KCNIP4: variants seen among roughly 807,000 people sequenced by gnomAD.
KCNIP4 encodes potassium voltage-gated channel interacting protein 4, also known as Kv channel-interacting protein 4.
Under a neutral mutation model 34.0 loss-of-function variants are expected in KCNIP4, and 12 were observed. The ratio of observed to expected loss-of-function variants is 0.35; its 90% CI spans 0.23 to 0.57. The LOEUF (loss-of-function observed/expected upper bound fraction) is 0.57. Among genes scored for constraint, KCNIP4 ranks in the 20% least tolerant of loss-of-function variants. The pLI, the probability that KCNIP4 is intolerant of heterozygous loss-of-function variation, is 0.83. For synonymous variants in KCNIP4, 124 were observed against 102.2 expected, an observed-to-expected ratio of 1.21 and a Z score of -1.29; for missense variants, 238 against 311.7, an observed-to-expected ratio of 0.76 and a Z score of 1.78.
chr4:21,005,246 C>A (rs999007888), intron 1 of KCNIP4, among the ~76,000 whole-genome samples: 2 of 152,144 alleles, frequency 1.3e-5, no homozygotes, highest in Non-Finnish European at 2.9e-5. Context: ...CCCCTGACAT[C>A]CACCTGGTCA....
At chr4:21,122,930 G>A (rs909558888) in intron 1 of KCNIP4, among the ~76,000 whole-genome samples, 1 of 152,066 alleles carries the variant, frequency 6.6e-6, no homozygotes, top group Non-Finnish European at 1.5e-5. Flanking sequence ...CTGTTGACTG[G>A]CTGGGCACGG....
intron 3 of KCNIP4, among the ~76,000 whole-genome samples, chr4:20,792,763 A>C (rs1712941972): frequency 6.6e-6 from 1 of 152,190 alleles, no homozygotes; most frequent in South Asian, 2.1e-4. Flanking sequence ...TATATGAAGC[A>C]AAATATGATA....
chr4:21,066,382 C>G (rs1744383178), intron 1 of KCNIP4, among the ~76,000 whole-genome samples: 1 of 152,138 alleles, frequency 6.6e-6, no homozygotes, highest in Non-Finnish European at 1.5e-5. Flanking sequence ...CACACACACA[C>G]AAAAGCACCT....
At chr4:20,909,093 T>C (rs1728079145) in intron 1 of KCNIP4, among the ~76,000 whole-genome samples, 1 of 152,306 alleles carries the variant, frequency 6.6e-6, no homozygotes, top group Non-Finnish European at 1.5e-5. Flanking sequence ...GAGGAATAAA[T>C]ATCGACCTCT....
At chr4:21,893,793 A>G (rs987305068) in intron 1 of KCNIP4, among the ~76,000 whole-genome samples, 2 of 152,176 alleles carry the variant, frequency 1.3e-5, no homozygotes, top group Non-Finnish European at 2.9e-5. Flanking sequence ...CCTCAAATAC[A>G]TGAAGCTGTA....
intron 1 of KCNIP4, among the ~76,000 whole-genome samples, chr4:21,577,686 T>G (rs1296361961): frequency 6.6e-6 from 1 of 152,074 alleles, no homozygotes; most frequent in Non-Finnish European, 1.5e-5. Context: ...AAATGCAGTA[T>G]ATTCTTTGGT....
intron 1 of KCNIP4, among the ~76,000 whole-genome samples, chr4:21,186,956 T>C (rs79357447): frequency 5.1e-4 from 77 of 152,282 alleles, no homozygotes; most frequent in African/African-American, 1.8e-3. Context: ...TTTTATTTAA[T>C]AGCCCAACTT....
At chr4:20,785,244 T>A (rs1711803593) in intron 3 of KCNIP4, among the ~76,000 whole-genome samples, 1 of 151,812 alleles carries the variant, frequency 6.6e-6, no homozygotes, top group Admixed American at 6.6e-5. Flanking sequence ...GGACCAATAC[T>A]TAATTTTCTA....
At chr4:21,044,372 C>T (rs1019502139) in intron 1 of KCNIP4, among the ~76,000 whole-genome samples, 5 of 151,922 alleles carry the variant, frequency 3.3e-5, no homozygotes, top group African/African-American at 7.3e-5. Context: ...AGTGCAATGG[C>T]GTGATCTTGG....
intron 2 of KCNIP4, among the ~76,000 whole-genome samples, chr4:20,864,012 G>GTA (rs752856859): frequency 0.02 from 2,909 of 142,854 alleles, 42 homozygotes; most frequent in African/African-American, 0.037. Flanking sequence ...ACATGTAAAT[G>GTA]TGTGTATGTA....
At chr4:21,871,294 G>T (rs1271752543) in intron 1 of KCNIP4, among the ~76,000 whole-genome samples, 8 of 126,218 alleles carry the variant, frequency 6.3e-5, no homozygotes, top group Non-Finnish European at 1.1e-4. Context: ...AGGCCCCGGT[G>T]TGTGATGTTC....
intron 1 of KCNIP4, chr4:21,849,772 A>G (rs1724257367): frequency 6.6e-6 from 1 of 152,154 alleles, no homozygotes; most frequent in African/African-American, 2.4e-5. Flanking sequence ...TATGCACAGC[A>G]AAAGAATTCA....
At chr4:21,867,777 A>C (rs894053782) in intron 1 of KCNIP4, among the ~76,000 whole-genome samples, 13 of 152,266 alleles carry the variant, frequency 8.5e-5, no homozygotes, top group South Asian at 2.1e-4. Context: ...CATATTCTAA[A>C]TAAATCTTTT....
At chr4:21,467,540 C>T (rs150939097) in intron 1 of KCNIP4, among the ~76,000 whole-genome samples, 2 of 152,192 alleles carry the variant, frequency 1.3e-5, no homozygotes, top group East Asian at 1.9e-4. Flanking sequence ...GGCCGTCTCC[C>T]TCTGCAAAAA....
intron 1 of KCNIP4, among the ~76,000 whole-genome samples, chr4:21,050,859 T>A (rs1742867143): frequency 6.6e-6 from 1 of 152,212 alleles, no homozygotes; most frequent in South Asian, 2.1e-4. Context: ...ATGATTTTCA[T>A]TCACTGGCCT....
At chr4:20,765,837 G>C (rs1755351064) in intron 3 of KCNIP4, among the ~76,000 whole-genome samples, 1 of 152,122 alleles carries the variant, frequency 6.6e-6, no homozygotes, top group Non-Finnish European at 1.5e-5. Context: ...TCGCCTTTTG[G>C]GGCCTTACTG....
intron 1 of KCNIP4, among the ~76,000 whole-genome samples, chr4:21,609,870 ATATTT>A (rs576478312): frequency 6.6e-6 from 1 of 152,230 alleles, no homozygotes; most frequent in Non-Finnish European, 1.5e-5. Flanking sequence ...TTTGTAAGAT[ATATTT>A]TATTAGGTGA....
chr4:21,921,654 C>T (rs547544262), intron 1 of KCNIP4, among the ~76,000 whole-genome samples: 2 of 152,096 alleles, frequency 1.3e-5, no homozygotes, highest in Non-Finnish European at 2.9e-5. Context: ...ATCCTTCTTT[C>T]CTCTCAGTCC....
At chr4:21,601,527 C>T (rs1226145178) in intron 1 of KCNIP4, among the ~76,000 whole-genome samples, 2 of 152,006 alleles carry the variant, frequency 1.3e-5, no homozygotes, top group African/African-American at 2.4e-5. Context: ...CTAAACATGT[C>T]CTCCACCCAA....
Sources: gnomAD v4.1 joint callset for allele counts (sites outside exome capture counted in the v4.1 genomes callset) on GRCh38, gnomAD v4.1.1 for gene constraint, MANE v1.5 for transcripts, NCBI Gene and HGNC (gene_info 2026-07-23, HGNC 2026-07-21) for gene names.